The following SNX30 variants were observed in gnomAD, a reference collection of about 807,000 sequenced individuals.
The protein encoded by SNX30 is sorting nexin-30.
In SNX30, 24 loss-of-function variants were observed where a neutral mutation model predicts 46.4. The observed-to-expected ratio is 0.52, with a 90% CI of 0.37 to 0.73. The LOEUF (loss-of-function observed/expected upper bound fraction) is 0.73. Ranked by LOEUF, SNX30 falls within the 30% of genes least tolerant of loss-of-function variation. SNX30 has a pLI of 0.00. For synonymous variants in SNX30, 189 were observed against 211.5 expected, an observed-to-expected ratio of 0.89 and a Z score of 0.92; for missense variants, 533 against 555.7, an observed-to-expected ratio of 0.96 and a Z score of 0.41.
intron 3 of SNX30, among the ~76,000 whole-genome samples, chr9:112,820,762 T>C (rs994788191): frequency 2.6e-5 from 4 of 152,234 alleles, no homozygotes; most frequent in Non-Finnish European, 5.9e-5. Flanking sequence ...TCTGGACATT[T>C]CATGTAAGTG....
Position 112,775,383 on chromosome 9 carries a change from G to A in SNX30, c.156+24226G>A, listed in dbSNP as rs572091467. 3.3e-4 allele frequency among the ~76,000 whole-genome samples: 50 copies of A among 151,234 alleles called. 1 individual carries two copies. The highest frequency in any genetic ancestry group is 2.1e-3 in the South Asian group (10 of 4,784). ...TTGGTCAGGCTGGTCTCGACCTCCC[G>A]ACCTCAGGCCCACCTTGGCCTCCCA... On this transcript the variant is annotated intron_variant, in intron 1 of 8. Transcript: ENST00000374232.
chr9:112,857,057 C>T (rs1841142914), intron 7 of SNX30, among the ~76,000 whole-genome samples: 1 of 152,198 alleles, frequency 6.6e-6, no homozygotes, highest in South Asian at 2.1e-4. Context: ...GGCGCGGGCC[C>T]CAGCAGCTGT....
At chr9:112,768,555 T>C (rs920437357) in intron 1 of SNX30, among the ~76,000 whole-genome samples, 3 of 151,276 alleles carry the variant, frequency 2.0e-5, no homozygotes, top group Non-Finnish European at 2.9e-5. Context: ...TACTGATGCC[T>C]GGTCCCTATC....
rs188583485 is a variant in SNX30 at position 112,869,215 on chromosome 9, G to A, written c.*372G>A. On this transcript the variant is annotated 3_prime_UTR_variant, in exon 9 of 9. Transcript: ENST00000374232. ...AGTTGCCAGTTGTGGGAGAGAACCC[G>A]GGGCCTGCTTTTCAAGGATGAGGAG... 4.8e-4 allele frequency: 103 copies of A among 215,684 alleles called. No homozygotes were observed. In the South Asian group the frequency reaches 4.8e-3, roughly 10 times the overall value. 13.4% of individuals were successfully genotyped at this position (215,684 alleles called of 1,614,324 possible). A position where few individuals can be genotyped will look rare whatever the true frequency, so the allele number is the denominator to read the frequency against.
At chr9:112,824,549 C>T (rs550684664) in intron 3 of SNX30, among the ~76,000 whole-genome samples, 2 of 150,230 alleles carry the variant, frequency 1.3e-5, no homozygotes, top group Non-Finnish European at 3.0e-5. Context: ...TTTTTAAGTA[C>T]CTTAAACAAC....
intron 6 of SNX30, among the ~76,000 whole-genome samples, chr9:112,844,577 A>T (rs1840909366): frequency 6.6e-6 from 1 of 152,202 alleles, no homozygotes; most frequent in Admixed American, 6.5e-5. Flanking sequence ...CCCACAAAGG[A>T]AGGGTTGGTG....
At chr9:112,842,701 C>A (rs1374240729) in intron 6 of SNX30, among the ~76,000 whole-genome samples, 1 of 152,234 alleles carries the variant, frequency 6.6e-6, no homozygotes, top group Non-Finnish European at 1.5e-5. Context: ...TTAGGCTTTT[C>A]AAGCCTGGCC....
At chr9:112,813,959 C>T (rs1054661780) in intron 2 of SNX30, among the ~76,000 whole-genome samples, 6 of 152,128 alleles carry the variant, frequency 3.9e-5, no homozygotes, top group African/African-American at 1.4e-4. Context: ...ACAGTTTAGA[C>T]ATTATTTTCC....
chr9:112,809,441 T>A (rs751099563), intron 2 of SNX30, among the ~76,000 whole-genome samples: 4 of 152,086 alleles, frequency 2.6e-5, no homozygotes, highest in Non-Finnish European at 5.9e-5. Flanking sequence ...TCCAGTAGCA[T>A]GGCCTGTGTG....
At chr9:112,882,502 C>T (rs1359914046), downstream of SNX30, among the ~76,000 whole-genome samples, 4 of 152,178 alleles carry the variant, frequency 2.6e-5, no homozygotes, top group Non-Finnish European at 5.9e-5. Context: ...GGACCTTGCT[C>T]TGGCCACCTG....
chr9:112,812,781 A>AT, intron 2 of SNX30, among the ~76,000 whole-genome samples: 1 of 152,292 alleles, frequency 6.6e-6, no homozygotes, highest in South Asian at 2.1e-4. Context: ...TTTCTTCTAA[A>AT]TTTTTTAATA....
chr9:112,767,977 C>T (rs1254567612), intron 1 of SNX30, among the ~76,000 whole-genome samples: 2 of 152,186 alleles, frequency 1.3e-5, no homozygotes, highest in Non-Finnish European at 2.9e-5. Context: ...AAATGGTTTT[C>T]CTGGCTTTCA....
intron 2 of SNX30, among the ~76,000 whole-genome samples, chr9:112,814,534 C>T (rs1012820773): frequency 6.6e-6 from 1 of 152,118 alleles, no homozygotes; most frequent in Non-Finnish European, 1.5e-5. Context: ...AGCCACTGCG[C>T]CTGGCTGGAC....
chr9:112,810,063 G>A (rs1840296086), intron 2 of SNX30, among the ~76,000 whole-genome samples: 1 of 152,168 alleles, frequency 6.6e-6, no homozygotes, highest in South Asian at 2.1e-4. Flanking sequence ...AGAAGGAAGG[G>A]AAGTTTGTTT....
At chr9:112,778,353 A>G (rs996520077) in intron 1 of SNX30, among the ~76,000 whole-genome samples, 2 of 150,338 alleles carry the variant, frequency 1.3e-5, no homozygotes, top group Admixed American at 6.7e-5. Context: ...GCTCACTGCA[A>G]CCTACGCCTC....
chr9:112,833,198 A>C (rs1375420271), intron 4 of SNX30, among the ~76,000 whole-genome samples: 1 of 152,034 alleles, frequency 6.6e-6, no homozygotes, highest in Non-Finnish European at 1.5e-5. Context: ...GCAGCACCCT[A>C]TTCCCCCTCT....
At chr9:112,840,382 G>T (rs992095251) in intron 6 of SNX30, among the ~76,000 whole-genome samples, 3 of 152,188 alleles carry the variant, frequency 2.0e-5, no homozygotes, top group Admixed American at 6.5e-5. Context: ...TATACACATT[G>T]AATTTTTGAT....
intron 6 of SNX30, among the ~76,000 whole-genome samples, chr9:112,850,264 C>T (rs1841001575): frequency 6.6e-6 from 1 of 152,348 alleles, no homozygotes; most frequent in East Asian, 1.9e-4. Flanking sequence ...GCCCCTTTAG[C>T]ACATACAGGC....
At chr9:112,756,731 G>A (rs1054726510) in intron 1 of SNX30, among the ~76,000 whole-genome samples, 1 of 152,188 alleles carries the variant, frequency 6.6e-6, no homozygotes, top group Non-Finnish European at 1.5e-5. Context: ...AAAGTGCTGG[G>A]ATCACAGGCG....
Sources: allele counts gnomAD v4.1 joint callset (sites outside exome capture counted in the v4.1 genomes callset), GRCh38; gene constraint gnomAD v4.1.1; transcripts MANE v1.5; gene names NCBI Gene and HGNC (gene_info 2026-07-23, HGNC 2026-07-21).